CENPP: variants seen among roughly 807,000 people sequenced by gnomAD.
CENPP encodes centromere protein P.
In CENPP, 24 loss-of-function variants were observed where a neutral mutation model predicts 35.6. That is an observed-to-expected ratio of 0.67 (90% confidence interval 0.49 to 0.95). The LOEUF is 0.95. CENPP is among the 40% of genes least tolerant of loss of function. CENPP has a pLI of 0.00. For missense variants in CENPP, 332 were observed against 345.3 expected (o/e 0.96, Z 0.31); for synonymous variants, 120 against 125.5 (o/e 0.96, Z 0.29).
At chr9:92,342,319 C>G (rs1300137616) in intron 3 of CENPP, among the ~76,000 whole-genome samples, 1 of 152,184 alleles carries the variant, frequency 6.6e-6, no homozygotes, top group African/African-American at 2.4e-5. Context: ...ATAGAGGGGA[C>G]TACTAGCAGT....
chr9:92,425,534 A>C (rs1016867508), intron 5 of CENPP, among the ~76,000 whole-genome samples: 1 of 152,164 alleles, frequency 6.6e-6, no homozygotes. Context: ...TTCGGAGTTC[A>C]TTTTGGGGGG....
At chr9:92,390,966 G>A (rs1187364805) in intron 5 of CENPP, among the ~76,000 whole-genome samples, 1 of 152,128 alleles carries the variant, frequency 6.6e-6, no homozygotes, top group Non-Finnish European at 1.5e-5. Context: ...GTTGGGTCAT[G>A]TTAAACAGCA....
rs1049670982 is a variant in CENPP at position 92,496,222 on chromosome 9, A to G, written c.565-115092A>G. On this transcript the variant is annotated intron_variant, in intron 5 of 7. Transcript: ENST00000375587. Reference sequence around the variant, plus strand: ...TGACTAGCATATAATGATACTGAGTATAACAGGAGGATTATGTCTCTCTTA... The same window carrying G: ...TGACTAGCATATAATGATACTGAGTGTAACAGGAGGATTATGTCTCTCTTA... 4.7e-6 allele frequency: 7 copies of G among 1,481,932 alleles called. No individual in the cohort carries two copies. The African/African-American group carries it at 7.1e-5, about 15-fold the overall frequency. The allele number at this position is 1,481,932 out of a possible 1,614,324, so 91.8% of individuals were successfully genotyped here.
chr9:92,331,654 G>T (rs1840750719), intron 1 of CENPP, among the ~76,000 whole-genome samples: 1 of 152,194 alleles, frequency 6.6e-6, no homozygotes, highest in Non-Finnish European at 1.5e-5. Context: ...GGTTACATAT[G>T]TTTTTTGTTG....
chr9:92,611,476 A>C (rs1851247098), intron 6 of CENPP, 83 bp downstream of exon 6: 1 of 1,064,598 alleles, frequency 9.4e-7, no homozygotes, highest in Non-Finnish European at 1.4e-6. Context: ...TAGGATTCTA[A>C]GTAGTAAACT....
chr9:92,480,077 G>A (rs180716523), intron 5 of CENPP, among the ~76,000 whole-genome samples: 4 of 151,916 alleles, frequency 2.6e-5, no homozygotes, highest in Admixed American at 2.6e-4. Context: ...TATTAGTTTT[G>A]GCAGTATTCA....
chr9:92,440,775 A>G (rs753221637), intron 5 of CENPP, among the ~76,000 whole-genome samples: 22 of 152,224 alleles, frequency 1.4e-4, no homozygotes, highest in African/African-American at 1.9e-4. Flanking sequence ...ATGTGTTTTG[A>G]CTGACAACAA....
chr9:92,470,868 C>T (rs540317798), intron 5 of CENPP: 2 of 828,230 alleles, frequency 2.4e-6, no homozygotes, highest in East Asian at 5.5e-5. Context: ...TTTTTTAAAA[C>T]CCATGATTAT....
At chr9:92,530,849 C>T (rs1275260975) in intron 5 of CENPP, among the ~76,000 whole-genome samples, 3 of 152,140 alleles carry the variant, frequency 2.0e-5, no homozygotes, top group Non-Finnish European at 2.9e-5. Flanking sequence ...TTGTTCCTCT[C>T]CCTGCCTTCT....
At chr9:92,611,420 C>A in intron 6 of CENPP, 27 bp downstream of exon 6, 1 of 1,580,124 alleles carries the variant, frequency 6.3e-7, no homozygotes. Context: ...CATGGGGCCT[C>A]CCATTTCCTG....
chr9:92,612,514 C>T lies in CENPP; in HGVS notation c.645-9C>T, dbSNP rs377351940. The T allele has an allele frequency of 3.6e-5, 58 of 1,608,070 alleles. No homozygotes were observed. The African/African-American group carries it at 6.8e-4, about 19-fold the overall frequency. ...AAGCACATAACGACATGTTTTACTG[C>T]TTTTTCAGGTTTGAATTAGTCATTG... On this transcript the variant is annotated splice_polypyrimidine_tract_variant and intron_variant, in intron 6 of 7. Transcript: ENST00000375587.
At chr9:92,405,003 C>T (rs868356608) in intron 5 of CENPP, among the ~76,000 whole-genome samples, 2 of 152,000 alleles carry the variant, frequency 1.3e-5, no homozygotes, top group African/African-American at 4.8e-5. Flanking sequence ...AATATATAGC[C>T]AGTGTAATAT....
At chr9:92,367,674 A>G (rs974007679) in intron 4 of CENPP, among the ~76,000 whole-genome samples, 1 of 151,394 alleles carries the variant, frequency 6.6e-6, no homozygotes, top group Non-Finnish European at 1.5e-5. Context: ...CTGTAGTGCA[A>G]TGGTGCGATC....
At chr9:92,561,006 T>C (rs1237641455) in intron 5 of CENPP, among the ~76,000 whole-genome samples, 1 of 152,110 alleles carries the variant, frequency 6.6e-6, no homozygotes, top group Non-Finnish European at 1.5e-5. Flanking sequence ...TTAAAGTTGA[T>C]ACTCACCTAG....
chr9:92,589,657 G>A (rs1850622968), intron 5 of CENPP, among the ~76,000 whole-genome samples: 1 of 152,096 alleles, frequency 6.6e-6, no homozygotes, highest in Non-Finnish European at 1.5e-5. Flanking sequence ...GATATTGTCT[G>A]TTTTGTTGAT....
chr9:92,538,414 C>G (rs932983262), intron 5 of CENPP, among the ~76,000 whole-genome samples: 1 of 152,084 alleles, frequency 6.6e-6, no homozygotes, highest in African/African-American at 2.4e-5. Context: ...GTAATTACAG[C>G]GAGACTTTTA....
In CENPP at chr9:92,379,815, G is replaced by T. The variant is rs1476461384; in HGVS notation, c.520G>T (p.Val174Leu). 2 of 1,613,622 alleles carry T rather than the reference G, an allele frequency of 1.2e-6. No individual in the cohort carries two copies. Among genetic ancestry groups the T allele is most frequent in the Non-Finnish European group, 1.7e-6 (2 of 1,179,622 alleles). Residue 174 changes from valine to leucine, a missense_variant, in exon 5 of 8, where the codon GTG becomes TTG. By Grantham distance (32) the Val-to-Leu change is conservative (BLOSUM62 1). Coordinates refer to ENST00000375587, the MANE Select transcript of CENPP (RefSeq NM_001012267.3). ...GTTTTTCCGAAGCCTGCATTTTTTT[G>T]TGGAGTGGTTTGAATATCGTAAGCG... ...FMFFRSLHFF[V>L]EWFEYRKRTF...
In CENPP at chr9:92,466,502, G is replaced by A. The variant is rs143358512; in HGVS notation, c.564+86643G>A. ...TGATTGTGGGACAGATACAGCCTTC[G>A]CAACTTCTTTGTGGTTAGAAAGGCT... On this transcript the variant is annotated intron_variant, in intron 5 of 7. Coordinates refer to ENST00000375587, the MANE Select transcript of CENPP (RefSeq NM_001012267.3). 132 of 1,613,884 alleles carry A rather than the reference G, an allele frequency of 8.2e-5. No homozygotes were observed. In the East Asian group the frequency reaches 2.8e-3, roughly 34 times the overall value.
Position 92,614,478 on chromosome 9 carries a change from A to AGAT in CENPP, c.*1330_*1332dup, listed in dbSNP as rs1299124446. On this transcript the variant is annotated 3_prime_UTR_variant, in exon 8 of 8. Coordinates refer to ENST00000375587, the MANE Select transcript of CENPP (RefSeq NM_001012267.3). ...AAGAAAACAGTAAAAGTGTCCAGTT[A>AGAT]GATAAGTATCTTTTTGCACCTCTGA... 1 of 152,630 alleles carries AGAT rather than the reference A, an allele frequency of 6.6e-6. No homozygotes were observed. The highest frequency in any genetic ancestry group is 2.4e-5 in the African/African-American group (1 of 41,478). 9.5% of individuals were successfully genotyped at this position (152,630 alleles called of 1,614,324 possible).
Sources: allele counts gnomAD v4.1 joint callset (sites outside exome capture counted in the v4.1 genomes callset), GRCh38; gene constraint gnomAD v4.1.1; transcripts MANE v1.5; gene names NCBI Gene and HGNC (gene_info 2026-07-23, HGNC 2026-07-21).